The following ARHGAP29 variants were observed in gnomAD, a reference collection of about 807,000 sequenced individuals.
ARHGAP29 encodes rho GTPase-activating protein 29.
ARHGAP29 carries 43 observed loss-of-function variants against 122.6 expected under a neutral mutation model. That is an observed-to-expected ratio of 0.35 (90% CI 0.27 to 0.45). The LOEUF (loss-of-function observed/expected upper bound fraction) is 0.45. Among genes scored for constraint, ARHGAP29 ranks in the 20% least tolerant of loss-of-function variants. The probability of loss-of-function intolerance (pLI) is 1.00; values close to 1 mark genes in which losing one functional copy is unlikely to be tolerated. For missense variants in ARHGAP29, 1,303 were observed against 1,477.2 expected (o/e 0.88, Z 1.93); for synonymous variants, 506 against 497.1 (o/e 1.02, Z -0.24).
intron 13 of ARHGAP29, 75 bp downstream of exon 13, chr1:94,189,851 C>T: frequency 6.8e-7 from 1 of 1,461,272 alleles, no homozygotes; most frequent in Non-Finnish European, 9.4e-7. Context: ...AAAGTCTCCT[C>T]CTTGTACTAG....
chr1:94,272,084 A>T (rs1182727222), intron 1 of ARHGAP29, among the ~76,000 whole-genome samples: 1 of 152,200 alleles, frequency 6.6e-6, no homozygotes, highest in African/African-American at 2.4e-5. Flanking sequence ...CACAGACAGC[A>T]GTCCTGGTAT....
chr1:94,279,516 A>G (rs1655285055), upstream of ARHGAP29, among the ~76,000 whole-genome samples: 1 of 152,206 alleles, frequency 6.6e-6, no homozygotes. Flanking sequence ...TCATATCAAA[A>G]TCACTAATTT....
the ARHGAP29 span, among the ~76,000 whole-genome samples, chr1:94,314,501 T>C: frequency 6.6e-6 from 1 of 152,198 alleles, no homozygotes; most frequent in Non-Finnish European, 1.5e-5. Context: ...GATGAAGTTT[T>C]CTCTCTCCTT....
At chr1:94,202,248 C>A (rs1475404079) in intron 11 of ARHGAP29, 1 of 542,706 alleles carries the variant, frequency 1.8e-6, no homozygotes, top group Admixed American at 3.6e-5. Flanking sequence ...AAAAGGTGAA[C>A]TTTCTTGTCA....
At chr1:94,301,321 C>T in the ARHGAP29 span, among the ~76,000 whole-genome samples, 7 of 152,246 alleles carry the variant, frequency 4.6e-5, no homozygotes, top group South Asian at 2.1e-4. Context: ...AAAGCAAAAA[C>T]GGGGAATCAC....
the ARHGAP29 span, among the ~76,000 whole-genome samples, chr1:94,290,044 T>C: frequency 1.3e-5 from 2 of 152,226 alleles, no homozygotes; most frequent in African/African-American, 4.8e-5. Flanking sequence ...TTCTATTGAT[T>C]GGAATAGTTT....
chr1:94,245,452 G>C (rs1338730552), intron 1 of ARHGAP29, among the ~76,000 whole-genome samples: 1 of 152,104 alleles, frequency 6.6e-6, no homozygotes, highest in East Asian at 1.9e-4. Context: ...TAAGCTAAAT[G>C]AAAGAAGCCA....
the ARHGAP29 span, among the ~76,000 whole-genome samples, chr1:94,293,126 C>A: frequency 1.3e-5 from 2 of 152,246 alleles, no homozygotes; most frequent in South Asian, 2.1e-4. Flanking sequence ...CCAGTTTGAG[C>A]TTCCCTGCCG....
At chr1:94,284,015 C>T in the ARHGAP29 span, among the ~76,000 whole-genome samples, 1 of 151,040 alleles carries the variant, frequency 6.6e-6, no homozygotes. Flanking sequence ...CAATAAATCA[C>T]AGAATTTTCA....
chr1:94,181,221 G>GC (rs1289526773), intron 19 of ARHGAP29, among the ~76,000 whole-genome samples: 1 of 152,174 alleles, frequency 6.6e-6, no homozygotes, highest in East Asian at 1.9e-4. Context: ...ATCCTAAGGA[G>GC]ACTCAGGGAC....
At chr1:94,285,425 C>A in the ARHGAP29 span, among the ~76,000 whole-genome samples, 1 of 151,766 alleles carries the variant, frequency 6.6e-6, no homozygotes, top group African/African-American at 2.4e-5. Flanking sequence ...TATAATAGAG[C>A]ATGATAAGAG....
intron 1 of ARHGAP29, among the ~76,000 whole-genome samples, chr1:94,236,053 A>G (rs529057325): frequency 6.6e-6 from 1 of 152,352 alleles, no homozygotes; most frequent in South Asian, 2.1e-4. Context: ...TTTCAGCACA[A>G]TTTCAGATTT....
At chr1:94,189,707 TAAATA>T (rs1333114464) in intron 13 of ARHGAP29, among the ~76,000 whole-genome samples, 1 of 152,138 alleles carries the variant, frequency 6.6e-6, no homozygotes, top group Non-Finnish European at 1.5e-5. Context: ...TTTTAATTCT[TAAATA>T]AAAGAAGTCT....
chr1:94,302,937 T>A, the ARHGAP29 span: 1 of 181,000 alleles, frequency 5.5e-6, no homozygotes, highest in Admixed American at 6.2e-5. Flanking sequence ...AACGGCCTCT[T>A]TGTCAGGCTC....
chr1:94,226,463 G>A (rs969244106), intron 2 of ARHGAP29, among the ~76,000 whole-genome samples: 1 of 151,834 alleles, frequency 6.6e-6, no homozygotes, highest in African/African-American at 2.4e-5. Context: ...CAAACAACTA[G>A]CAAGTGGCAG....
intron 3 of ARHGAP29, among the ~76,000 whole-genome samples, chr1:94,211,300 A>AAAAC (rs1192884884): frequency 4.8e-5 from 6 of 124,368 alleles, no homozygotes; most frequent in East Asian, 5.4e-4. Flanking sequence ...AAAAAAAAAA[A>AAAAC]AAAAAAAAAA....
upstream of ARHGAP29, among the ~76,000 whole-genome samples, chr1:94,239,784 A>G (rs1287407302): frequency 1.3e-5 from 2 of 152,218 alleles, no homozygotes; most frequent in Non-Finnish European, 2.9e-5. Context: ...TACCTTAAAA[A>G]TACAAACATA....
In ARHGAP29 at chr1:94,205,694, G is replaced by A. The variant is rs771002049; in HGVS notation, c.511-11C>T. ...AACATTTTCAAACGACTTACAACAT[G>A]GAAAAAGATAAATTTAAAATTAGAG... On this transcript the variant is annotated splice_polypyrimidine_tract_variant and intron_variant, in intron 5 of 22. Transcript: ENST00000260526. The A allele has an allele frequency of 2.5e-6, 4 of 1,607,802 alleles. No homozygotes were observed. Among genetic ancestry groups the A allele is most frequent in the Non-Finnish European group, 3.4e-6 (4 of 1,177,462 alleles).
rs565039044 is a variant in ARHGAP29, at chr1:94,229,952, T to C, written c.205+1455A>G. On this transcript the variant is annotated intron_variant, in intron 2 of 22. Coordinates refer to ENST00000260526, the MANE Select transcript of ARHGAP29 (RefSeq NM_004815.4). ...TTTAAGGAAAATAACTAAAAACAAA[T>C]AGAAATCTTAACTAAAAATCTTATT... 3.3e-5 allele frequency among the ~76,000 whole-genome samples: 5 copies of C among 151,696 alleles called. No homozygotes were observed. The East Asian group carries it at 7.7e-4, about 23-fold the overall frequency.
Sources: gnomAD v4.1 joint callset for allele counts (sites outside exome capture counted in the v4.1 genomes callset) on GRCh38, gnomAD v4.1.1 for gene constraint, MANE v1.5 for transcripts, NCBI Gene and HGNC (gene_info 2026-07-23, HGNC 2026-07-21) for gene names.